The following MYT1L variants were observed in gnomAD, a reference collection of about 807,000 sequenced individuals.
The protein encoded by MYT1L is myelin transcription factor 1 like, also known as myelin transcription factor 1-like protein.
Under a neutral mutation model 126.7 loss-of-function variants are expected in MYT1L, and 12 were observed. The ratio of observed to expected loss-of-function variants is 0.09; its 90% CI spans 0.06 to 0.15. The LOEUF (loss-of-function observed/expected upper bound fraction) is 0.15. MYT1L is among the 10% of genes least tolerant of loss of function. The probability of loss-of-function intolerance (pLI) is 1.00; values close to 1 mark genes in which losing one functional copy is unlikely to be tolerated. For synonymous variants in MYT1L, 541 were observed against 604.2 expected (o/e 0.90, Z 1.53); for missense variants, 979 against 1,585.2 (o/e 0.62, Z 6.49).
intron 4 of MYT1L, among the ~76,000 whole-genome samples, chr2:2,017,662 G>C (rs1305779989): frequency 1.3e-5 from 2 of 152,248 alleles, no homozygotes; most frequent in East Asian, 3.9e-4. Context: ...CTTTGAAAAA[G>C]TATACTTTAG....
At chr2:2,009,160 CT>C (rs1014628600) in intron 4 of MYT1L, among the ~76,000 whole-genome samples, 2 of 145,330 alleles carry the variant, frequency 1.4e-5, no homozygotes, top group Admixed American at 6.8e-5. Flanking sequence ...TTTTTTTTTT[CT>C]TTTTTTCCTG....
intron 11 of MYT1L, among the ~76,000 whole-genome samples, chr2:1,915,721 A>G (rs2052724082): frequency 6.6e-6 from 1 of 152,194 alleles, no homozygotes; most frequent in Non-Finnish European, 1.5e-5. Flanking sequence ...ACAGGCTCAG[A>G]GGTCAGTCGG....
rs185394128 is a variant in MYT1L at position 2,011,789 on chromosome 2, G to C, written c.-157-14442C>G. Among the ~76,000 whole-genome samples the C allele has an allele frequency of 3.3e-3, 502 of 152,308 alleles. 5 individuals carry two copies. The highest frequency in any genetic ancestry group is 7.1e-3 in the Admixed American group (109 of 15,310). Reference sequence around the variant, plus strand: ...CACAAAAAGACTGTCAATATCATTAGTCATCAGAGATGTATAAATCAAAAC... The same window carrying C: ...CACAAAAAGACTGTCAATATCATTACTCATCAGAGATGTATAAATCAAAAC... On this transcript the variant is annotated intron_variant, in intron 4 of 24. Coordinates refer to ENST00000647738, the MANE Select transcript of MYT1L (RefSeq NM_001303052.2).
At chr2:2,119,934 A>G (rs547274672) in intron 3 of MYT1L, among the ~76,000 whole-genome samples, 23 of 152,306 alleles carry the variant, frequency 1.5e-4, no homozygotes, top group African/African-American at 5.3e-4. Flanking sequence ...GAGAAAAGAA[A>G]TATGTATGTG....
intron 2 of MYT1L, among the ~76,000 whole-genome samples, chr2:2,257,468 G>A (rs1361334525): frequency 2.0e-5 from 3 of 152,130 alleles, no homozygotes; most frequent in Admixed American, 2.0e-4. Flanking sequence ...ACGAGGTCAA[G>A]GATGAGGAGA....
intron 2 of MYT1L, among the ~76,000 whole-genome samples, chr2:2,268,653 G>A (rs1484934746): frequency 6.6e-6 from 1 of 152,122 alleles, no homozygotes; most frequent in African/African-American, 2.4e-5. Context: ...AAATCTGCAA[G>A]AGGAGCTCCA....
chr2:1,802,422 C>G (rs979929312), intron 22 of MYT1L, among the ~76,000 whole-genome samples: 1 of 152,168 alleles, frequency 6.6e-6, no homozygotes, highest in East Asian at 1.9e-4. Flanking sequence ...GAGATGGCCA[C>G]AAAAGGGCTC....
rs113333841 is a variant in MYT1L, at chr2:2,269,897, T to G, written c.-421+14507A>C. 5.1e-4 allele frequency among the ~76,000 whole-genome samples: 78 copies of G among 152,334 alleles called. 1 individual carries two copies. The highest frequency in any genetic ancestry group is 1.7e-3 in the African/African-American group (71 of 41,584). Reference sequence around the variant, plus strand: ...TTCCCAAATCATACAGTCCTTTATCTCTGCCTCCAAATCTATTCATGACTT... The same window carrying G: ...TTCCCAAATCATACAGTCCTTTATCGCTGCCTCCAAATCTATTCATGACTT... On this transcript the variant is annotated intron_variant, in intron 2 of 24. Coordinates refer to ENST00000647738, the MANE Select transcript of MYT1L (RefSeq NM_001303052.2).
At chr2:2,038,100 A>G (rs1051845776) in intron 4 of MYT1L, among the ~76,000 whole-genome samples, 2 of 152,214 alleles carry the variant, frequency 1.3e-5, no homozygotes, top group African/African-American at 4.8e-5. Flanking sequence ...CCTGAGCAAT[A>G]GGACCGGGAC....
intron 3 of MYT1L, among the ~76,000 whole-genome samples, chr2:2,105,193 GAGTA>G (rs573851223): frequency 2.0e-5 from 3 of 152,206 alleles, no homozygotes; most frequent in Non-Finnish European, 4.4e-5. Flanking sequence ...TAACTGAAGA[GAGTA>G]AGTGTTTCGG....
chr2:2,301,391 T>C (rs1388075108), intron 1 of MYT1L, among the ~76,000 whole-genome samples: 1 of 152,226 alleles, frequency 6.6e-6, no homozygotes, highest in African/African-American at 2.4e-5. Context: ...CATTTTTTCA[T>C]CACTTTATTA....
intron 2 of MYT1L, among the ~76,000 whole-genome samples, chr2:2,252,140 T>C (rs1471511408): frequency 3.3e-5 from 5 of 152,170 alleles, no homozygotes; most frequent in African/African-American, 9.7e-5. Flanking sequence ...AGACAGGCTC[T>C]CTCTGCTGCC....
In MYT1L at chr2:2,149,833, C is replaced by T. The variant is rs143679021; in HGVS notation, c.-304+23039G>A. ...GACAAGTTGGTCTCAAATTAGGCTG[C>T]CATCCCAGGTCTGCATTTCCAAAAC... On this transcript the variant is annotated intron_variant, in intron 3 of 24. Transcript: ENST00000647738. 4.0e-3 allele frequency among the ~76,000 whole-genome samples: 605 copies of T among 152,024 alleles called. 4 individuals carry two copies. Among genetic ancestry groups the T allele is most frequent in the African/African-American group, 0.014 (584 of 41,334 alleles).
rs553498725 is a variant in MYT1L, at chr2:2,033,263, G to A, written c.-158+20715C>T. ...ATGGAGGGCCTTACACACACCCCTC[G>A]CCAGTGCCTCTCATCCTGTGGCCCA... On this transcript the variant is annotated intron_variant, in intron 4 of 24. Coordinates refer to ENST00000647738, the MANE Select transcript of MYT1L (RefSeq NM_001303052.2). 9.6e-5 allele frequency among the ~76,000 whole-genome samples: 13 copies of A among 134,778 alleles called. No individual in the cohort carries two copies. The South Asian group carries it at 3.3e-3, about 34-fold the overall frequency. The allele number at this position is 134,778 out of a possible 152,430, so 88.4% of individuals were successfully genotyped here.
In MYT1L at chr2:1,969,332, CTCTG is replaced by C. The variant is rs2059630992; in HGVS notation, c.152+9829_152+9832del. ...TCTTCAGATTTGTCTATGCCGTTGG[CTCTG>C]TGTGTGAGTTGCTCACCCAGAATAA... is the stretch of plus-strand genomic sequence containing the variant. On this transcript the variant is annotated intron_variant, in intron 8 of 24. Coordinates refer to ENST00000647738, the MANE Select transcript of MYT1L (RefSeq NM_001303052.2). Among the ~76,000 whole-genome samples, 8 of 152,350 alleles carry C rather than the reference CTCTG, an allele frequency of 5.3e-5. No individual in the cohort carries two copies. In the South Asian group the frequency reaches 1.7e-3, roughly 32 times the overall value.
chr2:2,313,898 G>GTT (rs2096018526), intron 1 of MYT1L, among the ~76,000 whole-genome samples: 1 of 152,066 alleles, frequency 6.6e-6, no homozygotes, highest in South Asian at 2.1e-4. Flanking sequence ...CCTCACTCTA[G>GTT]TTTAGAGACC....
intron 3 of MYT1L, among the ~76,000 whole-genome samples, chr2:2,093,516 T>C (rs926007441): frequency 2.6e-5 from 4 of 152,236 alleles, no homozygotes; most frequent in South Asian, 2.1e-4. Flanking sequence ...TCATATCCTT[T>C]GCCCACTTGT....
chr2:2,000,968 G>A (rs573029765), intron 4 of MYT1L, among the ~76,000 whole-genome samples: 2 of 152,216 alleles, frequency 1.3e-5, no homozygotes, highest in African/African-American at 2.4e-5. Flanking sequence ...AGAAGCACGG[G>A]TTTTCTCTCT....
chr2:2,034,331 T>C (rs977123087), intron 4 of MYT1L, among the ~76,000 whole-genome samples: 2 of 145,006 alleles, frequency 1.4e-5, no homozygotes, highest in East Asian at 4.2e-4. Context: ...AGAGAGCTCC[T>C]AACTTCTCCC....
Sources: gnomAD v4.1 joint callset for allele counts (sites outside exome capture counted in the v4.1 genomes callset) on GRCh38, gnomAD v4.1.1 for gene constraint, MANE v1.5 for transcripts, NCBI Gene and HGNC (gene_info 2026-07-23, HGNC 2026-07-21) for gene names.